RNF144A: variants seen among roughly 807,000 people sequenced by gnomAD.
RNF144A encodes the protein E3 ubiquitin-protein ligase RNF144A.
In RNF144A, 11 loss-of-function variants were observed where a neutral mutation model predicts 38.7. The ratio of observed to expected loss-of-function variants is 0.28; its 90% CI spans 0.18 to 0.47. The LOEUF (loss-of-function observed/expected upper bound fraction) is 0.47. Among genes scored for constraint, RNF144A ranks in the 20% least tolerant of loss-of-function variants. The pLI is 0.99. For missense variants in RNF144A, 316 were observed against 377.2 expected, an observed-to-expected ratio of 0.84 and a Z score of 1.34; for synonymous variants, 149 against 143.9, an observed-to-expected ratio of 1.04 and a Z score of -0.25.
At chr2:6,950,792 T>C (rs1211570933) in intron 2 of RNF144A, among the ~76,000 whole-genome samples, 1 of 152,226 alleles carries the variant, frequency 6.6e-6, no homozygotes, top group Non-Finnish European at 1.5e-5. Flanking sequence ...ACTTTCCCCA[T>C]GTTTAATCAC....
chr2:6,968,226 G>T (rs1009974485), intron 2 of RNF144A, among the ~76,000 whole-genome samples: 2 of 152,238 alleles, frequency 1.3e-5, no homozygotes, highest in African/African-American at 4.8e-5. Flanking sequence ...AAGGCTAGGG[G>T]AGGTATGTTC....
intron 7 of RNF144A, among the ~76,000 whole-genome samples, chr2:7,025,392 G>C (rs1671817737): frequency 6.6e-6 from 1 of 152,218 alleles, no homozygotes; most frequent in South Asian, 2.1e-4. Context: ...ACTATAATTA[G>C]GCCAGCCTCG....
At chr2:6,938,932 C>G (rs1247027430) in intron 1 of RNF144A, among the ~76,000 whole-genome samples, 1 of 152,110 alleles carries the variant, frequency 6.6e-6, no homozygotes, top group African/African-American at 2.4e-5. Flanking sequence ...TTTATGTGGC[C>G]AAATCCATTG....
intron 6 of RNF144A, among the ~76,000 whole-genome samples, chr2:7,055,269 C>G (rs1673687670): frequency 6.6e-6 from 1 of 152,182 alleles, no homozygotes; most frequent in Non-Finnish European, 1.5e-5. Context: ...CCCCAACCTA[C>G]CCAGCTGAAA....
At chr2:6,921,912 G>A (rs1215424248) in intron 1 of RNF144A, among the ~76,000 whole-genome samples, 1 of 152,218 alleles carries the variant, frequency 6.6e-6, no homozygotes, top group Admixed American at 6.5e-5. Flanking sequence ...CCAGCACACA[G>A]GGCCGAGCTC....
intron 2 of RNF144A, among the ~76,000 whole-genome samples, chr2:6,984,313 T>C (rs1277925103): frequency 2.0e-5 from 3 of 152,132 alleles, no homozygotes; most frequent in Admixed American, 6.5e-5. Flanking sequence ...TTTCTTTTTT[T>C]TTTTTCCAAG....
At chr2:6,989,842 A>G (rs893646124) in intron 2 of RNF144A, among the ~76,000 whole-genome samples, 3 of 152,148 alleles carry the variant, frequency 2.0e-5, no homozygotes, top group African/African-American at 4.8e-5. Context: ...ATGTCATATA[A>G]TTAGAATCAT....
chr2:6,938,918 T>C (rs1665780610), intron 1 of RNF144A, among the ~76,000 whole-genome samples: 1 of 152,186 alleles, frequency 6.6e-6, no homozygotes, highest in Admixed American at 6.5e-5. Context: ...CAGTACTGCA[T>C]TCCTTTATGT....
chr2:6,961,330 A>G (rs1450560546), intron 2 of RNF144A, among the ~76,000 whole-genome samples: 1 of 152,144 alleles, frequency 6.6e-6, no homozygotes, highest in African/African-American at 2.4e-5. Flanking sequence ...GACCAGGAAA[A>G]AAAATTATTT....
chr2:7,042,179 T>A lies in RNF144A; in HGVS notation c.*2419T>A, dbSNP rs1192921132. Reference sequence around the variant, plus strand: ...ACTCTGAGATACATAAACTCGCATTTCCTTCTGTTTTAGTAAGGAGTGCCA... The same window carrying A: ...ACTCTGAGATACATAAACTCGCATTACCTTCTGTTTTAGTAAGGAGTGCCA... On this transcript the variant is annotated 3_prime_UTR_variant, in exon 9 of 9. Coordinates refer to ENST00000320892, the MANE Select transcript of RNF144A (RefSeq NM_014746.6). The A allele has an allele frequency of 8.1e-6, 8 of 985,234 alleles. No homozygotes were observed. The highest frequency in any genetic ancestry group is 5.2e-4 in the Middle Eastern group (1 of 1,936). 61.0% of individuals were successfully genotyped at this position (985,234 alleles called of 1,614,324 possible).
chr2:6,981,014 C>T (rs957496925), intron 2 of RNF144A, among the ~76,000 whole-genome samples: 1 of 152,218 alleles, frequency 6.6e-6, no homozygotes, highest in Non-Finnish European at 1.5e-5. Context: ...TGTACCTTGG[C>T]CTCTTTTAGC....
intron 6 of RNF144A, among the ~76,000 whole-genome samples, chr2:7,022,057 C>T (rs756407370): frequency 9.2e-5 from 14 of 152,324 alleles, no homozygotes; most frequent in Non-Finnish European, 1.6e-4. Flanking sequence ...TAAGCCTCTC[C>T]GAGGCTGCCT....
intron 8 of RNF144A, among the ~76,000 whole-genome samples, chr2:7,037,677 G>A (rs983831391): frequency 6.6e-6 from 1 of 152,218 alleles, no homozygotes; most frequent in Non-Finnish European, 1.5e-5. Context: ...ACGTATGCAC[G>A]TACGTGTGCA....
chr2:6,944,313 C>A lies in RNF144A; in HGVS notation c.-12+3166C>A, dbSNP rs1014178496. On this transcript the variant is annotated intron_variant, in intron 2 of 8. Transcript: ENST00000320892. This position sits in a 1 kb window ranked among gnomAD's most constrained non-coding sequence, Gnocchi z 4.7. Reference sequence around the variant, plus strand: ...TGCGGGTGCTGCAAGTTCCAGTGTTCCTCCCAAAGGCTCGGCTTCTCAGTC... The same window carrying A: ...TGCGGGTGCTGCAAGTTCCAGTGTTACTCCCAAAGGCTCGGCTTCTCAGTC... Among the ~76,000 whole-genome samples the A allele has an allele frequency of 1.3e-5, 2 of 152,116 alleles. No individual in the cohort carries two copies. Among genetic ancestry groups the A allele is most frequent in the Non-Finnish European group, 2.9e-5 (2 of 68,026 alleles).
chr2:7,029,948 G>T (rs1214003908), intron 7 of RNF144A, among the ~76,000 whole-genome samples, 178 bp from the exon 8 acceptor site: 2 of 152,244 alleles, frequency 1.3e-5, no homozygotes, highest in Non-Finnish European at 2.9e-5. Flanking sequence ...GGGAGGAGCG[G>T]CCTGGGCCTC....
At chr2:7,076,301 A>C in the RNF144A span, among the ~76,000 whole-genome samples, 1 of 152,238 alleles carries the variant, frequency 6.6e-6, no homozygotes, top group Non-Finnish European at 1.5e-5. Context: ...TTTACTAGAA[A>C]TTATTTGTAA....
In RNF144A at chr2:7,040,162, A is replaced by T. The variant is rs956005199; in HGVS notation, c.*402A>T. ...AAGGACTGCCACTCTCTTCAGACAGAATCTGATTATTCCAGCTTGAGAGAA... is the reference window on the plus strand; with the variant it reads ...AAGGACTGCCACTCTCTTCAGACAGTATCTGATTATTCCAGCTTGAGAGAA... On this transcript the variant is annotated 3_prime_UTR_variant, in exon 9 of 9. Transcript: ENST00000320892. 3 of 994,480 alleles carry T rather than the reference A, an allele frequency of 3.0e-6. No individual in the cohort carries two copies. Among genetic ancestry groups the T allele is most frequent in the Non-Finnish European group, 3.6e-6 (3 of 836,258 alleles). The allele number at this position is 994,480 out of a possible 1,614,324, so 61.6% of individuals were successfully genotyped here.
downstream of RNF144A, among the ~76,000 whole-genome samples, chr2:7,069,619 T>A (rs1307681686): frequency 6.6e-6 from 1 of 152,212 alleles, no homozygotes. Flanking sequence ...CAGCTTAAAA[T>A]ACAACACTTT....
At chr2:7,016,291 G>A (rs1309566591) in intron 5 of RNF144A, among the ~76,000 whole-genome samples, 1 of 152,078 alleles carries the variant, frequency 6.6e-6, no homozygotes, top group African/African-American at 2.4e-5. Flanking sequence ...AAGTCAGTAC[G>A]TAGGGCAATA....
Sources: allele counts gnomAD v4.1 joint callset (sites outside exome capture counted in the v4.1 genomes callset), GRCh38; gene constraint gnomAD v4.1.1; non-coding constraint Gnocchi (gnomAD v3.1); transcripts MANE v1.5; gene names NCBI Gene and HGNC (gene_info 2026-07-23, HGNC 2026-07-21).